The following FBXW11 variants were observed in gnomAD, a reference collection of about 807,000 sequenced individuals.
The protein encoded by FBXW11 is F-box and WD repeat domain containing 11.
A neutral mutation model predicts 77.6 loss-of-function variants in FBXW11; 19 were observed. That is an observed-to-expected ratio of 0.24 (90% confidence interval 0.17 to 0.36). FBXW11 has a LOEUF of 0.36. Ranked by LOEUF, FBXW11 falls within the 10% of genes least tolerant of loss-of-function variation. FBXW11 has a pLI of 1.00. For missense variants in FBXW11, 334 were observed against 704.2 expected (o/e 0.47, Z 5.95); for synonymous variants, 235 against 249.4 (o/e 0.94, Z 0.54).
At chr5:171,885,477 C>T (rs1452940353) in intron 7 of FBXW11, among the ~76,000 whole-genome samples, 3 of 152,206 alleles carry the variant, frequency 2.0e-5, no homozygotes, top group Non-Finnish European at 4.4e-5. Context: ...CTGTATTTGC[C>T]TGTCTCTCCA....
At chr5:171,975,979 G>T (rs1764807934) in intron 1 of FBXW11, among the ~76,000 whole-genome samples, 2 of 151,938 alleles carry the variant, frequency 1.3e-5, no homozygotes, top group Admixed American at 6.6e-5. Flanking sequence ...TCCAAAAGGA[G>T]ACTATATACA....
At chr5:171,916,967 C>G (rs912459438) in intron 2 of FBXW11, among the ~76,000 whole-genome samples, 2 of 152,134 alleles carry the variant, frequency 1.3e-5, no homozygotes, top group Non-Finnish European at 2.9e-5. Context: ...TGTCGCCAGG[C>G]TGGAGTGCAA....
chr5:171,865,772 T>C (rs1183840769), intron 13 of FBXW11, among the ~76,000 whole-genome samples: 1 of 152,206 alleles, frequency 6.6e-6, no homozygotes, highest in Non-Finnish European at 1.5e-5. Flanking sequence ...ATACAGCTCT[T>C]AGATGTTACT....
intron 1 of FBXW11, among the ~76,000 whole-genome samples, chr5:171,962,678 G>T (rs2113355958): frequency 6.6e-6 from 1 of 152,242 alleles, no homozygotes; most frequent in East Asian, 1.9e-4. Flanking sequence ...AGAGGTAGGA[G>T]AAAAATGTCC....
chr5:171,895,435 C>T (rs143296911), intron 6 of FBXW11, among the ~76,000 whole-genome samples: 22 of 152,148 alleles, frequency 1.4e-4, no homozygotes, highest in African/African-American at 5.3e-4. Flanking sequence ...TTGCAAACCA[C>T]AAAAAAGCTC....
intron 2 of FBXW11, among the ~76,000 whole-genome samples, chr5:171,926,268 C>T (rs1030609417): frequency 1.7e-4 from 26 of 152,290 alleles, no homozygotes; most frequent in African/African-American, 6.3e-4. Flanking sequence ...TCCACTTGAC[C>T]TCTCTGTGCC....
rs567613731 is a variant in FBXW11 at position 171,942,131 on chromosome 5, T to C, written c.147+15466A>G. Among the ~76,000 whole-genome samples, 340 of 151,662 alleles carry C rather than the reference T, an allele frequency of 2.2e-3. 2 individuals are homozygous for C. Among genetic ancestry groups the C allele is most frequent in the African/African-American group, 8.2e-3 (338 of 41,236 alleles). On this transcript the variant is annotated intron_variant, in intron 2 of 13. Transcript: ENST00000517395. ...AAGTAAAGCTGACCGAATGCTTCTC[T>C]CATGCTGTAATATTTTACTGTGTAT...
Position 171,863,864 on chromosome 5 carries a change from A to AT in FBXW11, c.*262dup, listed in dbSNP as rs1216043440. The stretch of plus-strand genomic sequence containing the variant: ...GAACAATTTACATTTGAAACATTAG[A>AT]TTTTTTCACTGATGAGGGAAGGAAA... On this transcript the variant is annotated 3_prime_UTR_variant, in exon 14 of 14. Coordinates refer to ENST00000517395, the MANE Select transcript of FBXW11 (RefSeq NM_001378974.1). 1.3e-5 allele frequency: 2 copies of AT among 152,386 alleles called. No homozygotes were observed. Among genetic ancestry groups the AT allele is most frequent in the South Asian group, 2.1e-4 (1 of 4,830 alleles). 9.4% of individuals were successfully genotyped at this position (152,386 alleles called of 1,614,324 possible).
intron 1 of FBXW11, among the ~76,000 whole-genome samples, chr5:171,987,203 G>C (rs577697940): frequency 2.0e-5 from 3 of 152,108 alleles, no homozygotes; most frequent in Non-Finnish European, 4.4e-5. Flanking sequence ...TGACCTAACG[G>C]GATAAAGTTC....
At chr5:171,872,755 C>CT in intron 10 of FBXW11, 117 bp downstream of exon 10, 3 of 751,092 alleles carry the variant, frequency 4.0e-6, no homozygotes, top group Non-Finnish European at 6.9e-6. Flanking sequence ...TTACCTAAAG[C>CT]TTTCTTATCT....
intron 1 of FBXW11, among the ~76,000 whole-genome samples, chr5:171,968,324 G>A (rs1764333581): frequency 2.0e-5 from 3 of 152,026 alleles, no homozygotes; most frequent in South Asian, 2.1e-4. Flanking sequence ...CGGGCACAGT[G>A]GCAGGCACCT....
At chr5:171,928,074 G>T (rs1348816264) in intron 2 of FBXW11, among the ~76,000 whole-genome samples, 1 of 151,932 alleles carries the variant, frequency 6.6e-6, no homozygotes, top group Non-Finnish European at 1.5e-5. Flanking sequence ...TTCACTACAA[G>T]AAACGTTAAA....
At position 171,957,615 on chromosome 5, in the gene FBXW11, G is replaced by A; in HGVS notation, c.129C>T (p.Pro43=). Residue 43 remains proline (P), a synonymous_variant, in exon 2 of 14, where the codon CCC becomes CCT. Coordinates refer to ENST00000517395, the MANE Select transcript of FBXW11 (RefSeq NM_001378974.1). ...GAGGCACCTGGAGACATCTGACACTGGGCATGCTCTGCAGGCAACTCAGTG... is the reference window on the plus strand; with the variant it reads ...GAGGCACCTGGAGACATCTGACACTAGGCATGCTCTGCAGGCAACTCAGTG... The part of the protein sequence containing the change: ...MCALSCLQSM[P]SVRCLQNTSV... The A allele has an allele frequency of 1.9e-6, 3 of 1,614,044 alleles. No homozygotes were observed. Among genetic ancestry groups the A allele is most frequent in the South Asian group, 2.2e-5 (2 of 91,088 alleles).
chr5:171,922,912 T>TGTGTGTGTGC (rs1761675160), intron 2 of FBXW11, among the ~76,000 whole-genome samples: 1 of 151,948 alleles, frequency 6.6e-6, no homozygotes, highest in Non-Finnish European at 1.5e-5. Flanking sequence ...TGTGCGTGTG[T>TGTGTGTGTGC]GTGTGTGTGC....
chr5:171,919,630 C>T (rs1761458626), intron 2 of FBXW11, among the ~76,000 whole-genome samples: 1 of 152,154 alleles, frequency 6.6e-6, no homozygotes, highest in Admixed American at 6.5e-5. Context: ...ATATAAATTA[C>T]CTTTAATGAT....
chr5:171,952,742 G>A lies in FBXW11; in HGVS notation c.147+4855C>T, dbSNP rs1001000886. Among the ~76,000 whole-genome samples, 27 of 151,438 alleles carry A rather than the reference G, an allele frequency of 1.8e-4. 1 individual carries two copies. Among genetic ancestry groups the A allele is most frequent in the Middle Eastern group, 3.2e-3 (1 of 312 alleles). ...TGGGATTACTGGCGTGAGCCACCGCGCCCAGCCTATTTATATATTTTTTAG... is the reference window on the plus strand; with the variant it reads ...TGGGATTACTGGCGTGAGCCACCGCACCCAGCCTATTTATATATTTTTTAG... On this transcript the variant is annotated intron_variant, in intron 2 of 13. Coordinates refer to ENST00000517395, the MANE Select transcript of FBXW11 (RefSeq NM_001378974.1).
At chr5:171,956,040 C>T (rs555529453) in intron 2 of FBXW11, among the ~76,000 whole-genome samples, 4 of 152,200 alleles carry the variant, frequency 2.6e-5, no homozygotes, top group South Asian at 4.2e-4. Flanking sequence ...AAAAAGAATC[C>T]GCACTTCAAG....
At chr5:171,939,298 C>T (rs114851476) in intron 2 of FBXW11, among the ~76,000 whole-genome samples, 135 of 152,170 alleles carry the variant, frequency 8.9e-4, no homozygotes, top group African/African-American at 3.0e-3. Flanking sequence ...TCAGCAGAAA[C>T]AAATGAATAA....
intron 2 of FBXW11, among the ~76,000 whole-genome samples, chr5:171,925,411 AAAACAAACAAAC>A (rs753135131): frequency 6.6e-6 from 1 of 152,208 alleles, no homozygotes; most frequent in Non-Finnish European, 1.5e-5. Context: ...TTTTCTGTAA[AAAACAAACAAAC>A]AAACAAACAA....
Sources: allele counts gnomAD v4.1 joint callset (sites outside exome capture counted in the v4.1 genomes callset), GRCh38; gene constraint gnomAD v4.1.1; transcripts MANE v1.5; gene names NCBI Gene and HGNC (gene_info 2026-07-23, HGNC 2026-07-21).